ROBO1: variants seen among roughly 807,000 people sequenced by gnomAD.
ROBO1 encodes the protein roundabout homolog 1.
Under a neutral mutation model 195.9 loss-of-function variants are expected in ROBO1, and 149 were observed. The observed-to-expected ratio is 0.76, with a 90% CI of 0.67 to 0.87. The LOEUF is 0.87. ROBO1 is among the 40% of genes least tolerant of loss of function. ROBO1 has a pLI of 0.00. For synonymous variants in ROBO1, 816 were observed against 733.2 expected (o/e 1.11, Z -1.82); for missense variants, 1,933 against 2,068.3 (o/e 0.93, Z 1.27).
intron 2 of ROBO1, among the ~76,000 whole-genome samples, chr3:79,376,551 T>A (rs2036392506): frequency 6.6e-6 from 1 of 152,156 alleles, no homozygotes; most frequent in African/African-American, 2.4e-5. Flanking sequence ...CCTGTGCTGT[T>A]CTTGTGATAG....
At chr3:79,166,560 C>CT (rs968334923) in intron 2 of ROBO1, among the ~76,000 whole-genome samples, 4,164 of 135,070 alleles carry the variant, frequency 0.031, 92 homozygotes, top group Non-Finnish European at 0.034. Context: ...TTCTATTTTT[C>CT]TTTTTTTTTT....
intron 2 of ROBO1, among the ~76,000 whole-genome samples, chr3:79,280,909 C>T (rs891684601): frequency 6.6e-6 from 1 of 152,212 alleles, no homozygotes; most frequent in African/African-American, 2.4e-5. Context: ...TGGCTGGCCA[C>T]TCACTGCCAG....
intron 3 of ROBO1, among the ~76,000 whole-genome samples, chr3:79,100,490 A>G (rs1248168773): frequency 6.6e-6 from 1 of 151,688 alleles, no homozygotes; most frequent in African/African-American, 2.4e-5. Flanking sequence ...TAAAGACACA[A>G]TAGCCAGCCC....
intron 4 of ROBO1, among the ~76,000 whole-genome samples, chr3:78,813,233 G>A (rs1045429867): frequency 9.4e-6 from 1 of 106,510 alleles, no homozygotes; most frequent in Non-Finnish European, 1.9e-5. Context: ...TATTATAGAA[G>A]TTTTACATGC....
chr3:79,230,378 G>T (rs1019259709), intron 2 of ROBO1, among the ~76,000 whole-genome samples: 3 of 152,036 alleles, frequency 2.0e-5, no homozygotes, highest in Non-Finnish European at 2.9e-5. Flanking sequence ...TTTGTCTCTA[G>T]TAGATTGCTG....
chr3:79,370,741 C>T (rs2036162797), intron 2 of ROBO1, among the ~76,000 whole-genome samples: 1 of 151,790 alleles, frequency 6.6e-6, no homozygotes, highest in African/African-American at 2.4e-5. Context: ...TAGATATATA[C>T]ATGTGTCATG....
At chr3:78,733,571 G>C (rs969677187) in intron 5 of ROBO1, among the ~76,000 whole-genome samples, 6 of 151,954 alleles carry the variant, frequency 3.9e-5, no homozygotes, top group Non-Finnish European at 7.4e-5. Context: ...CCAAATTAAA[G>C]ATAAAATGTA....
chr3:79,208,659 T>C (rs756176298), intron 2 of ROBO1, among the ~76,000 whole-genome samples: 1 of 151,288 alleles, frequency 6.6e-6, no homozygotes, highest in Admixed American at 6.6e-5. Flanking sequence ...AAAGTTAATA[T>C]AGTTGTTGTT....
In ROBO1 at chr3:79,479,931, C is replaced by A. The variant is rs539806458; in HGVS notation, c.88+109893G>T. ...CCACCTTAACATGGAAGTTCGCATTCCCTAGTTTTCCTTTTAAAAATTCAA... is the reference window on the plus strand; with the variant it reads ...CCACCTTAACATGGAAGTTCGCATTACCTAGTTTTCCTTTTAAAAATTCAA... On this transcript the variant is annotated intron_variant, in intron 2 of 30. Transcript: ENST00000464233. Among the ~76,000 whole-genome samples, 12 of 152,296 alleles carry A rather than the reference C, an allele frequency of 7.9e-5. No individual in the cohort carries two copies. In the South Asian group the frequency reaches 2.5e-3, roughly 32 times the overall value.
At chr3:79,476,190 A>C (rs1051443098) in intron 2 of ROBO1, among the ~76,000 whole-genome samples, 1 of 152,136 alleles carries the variant, frequency 6.6e-6, no homozygotes, top group East Asian at 1.9e-4. Flanking sequence ...TCAAAACCAC[A>C]ACGTGATACC....
At chr3:78,867,736 T>A (rs1210545489) in intron 4 of ROBO1, among the ~76,000 whole-genome samples, 2 of 152,174 alleles carry the variant, frequency 1.3e-5, no homozygotes, top group Non-Finnish European at 2.9e-5. Flanking sequence ...CTCTTCAGAC[T>A]TCCAGAAATG....
At chr3:78,827,930 A>G (rs943634735) in intron 4 of ROBO1, among the ~76,000 whole-genome samples, 7 of 152,226 alleles carry the variant, frequency 4.6e-5, no homozygotes, top group Non-Finnish European at 8.8e-5. Context: ...TTGATGTTTG[A>G]TCAAATATTT....
intron 3 of ROBO1, among the ~76,000 whole-genome samples, chr3:79,044,780 ATT>A (rs1449486173): frequency 1.3e-5 from 2 of 151,942 alleles, no homozygotes; most frequent in Non-Finnish European, 2.9e-5. Context: ...GCTTTTTGAC[ATT>A]TTCTTTTTTT....
chr3:79,536,821 G>A (rs1941884522), intron 2 of ROBO1, among the ~76,000 whole-genome samples: 1 of 152,118 alleles, frequency 6.6e-6, no homozygotes, highest in Admixed American at 6.6e-5. Flanking sequence ...TCCAAAATTT[G>A]ACTTTGCTCT....
At chr3:79,645,460 C>T (rs1242289670) in intron 1 of ROBO1, among the ~76,000 whole-genome samples, 1 of 152,008 alleles carries the variant, frequency 6.6e-6, no homozygotes, top group Non-Finnish European at 1.5e-5. Context: ...TATGATCTTG[C>T]CACTGCACTA....
Position 79,672,560 on chromosome 3 carries a change from T to G in ROBO1, c.-50-82599A>C, listed in dbSNP as rs72894001. Among the ~76,000 whole-genome samples, 1,107 of 152,100 alleles carry G rather than the reference T, an allele frequency of 7.3e-3. 11 individuals are homozygous for G. The highest frequency in any genetic ancestry group is 0.025 in the African/African-American group (1,045 of 41,548). On this transcript the variant is annotated intron_variant, in intron 1 of 30. Coordinates refer to ENST00000464233, the MANE Select transcript of ROBO1 (RefSeq NM_002941.4). The stretch of plus-strand genomic sequence containing the variant: ...TAAATATCAGATCAGACGTAAACTC[T>G]TATTTTTTAGTTAGAAGACTGCGTG...
Position 78,618,000 on chromosome 3 carries a change from G to T in ROBO1, c.3917C>A (p.Ser1306Tyr). 1.2e-6 allele frequency: 2 copies of T among 1,613,814 alleles called. No individual in the cohort carries two copies. The highest frequency in any genetic ancestry group is 1.7e-6 in the Non-Finnish European group (2 of 1,179,780). Residue 1306 changes from serine (S) to tyrosine (Y), a missense_variant, in exon 27 of 31, where the codon TCC (serine) becomes TAC (tyrosine). Coordinates refer to ENST00000464233, the MANE Select transcript of ROBO1 (RefSeq NM_002941.4). Reference protein sequence around the residue: ...VSPPPPPRPISPPHTYGYISG... With the variant: ...VSPPPPPRPIYPPHTYGYISG... ...AATGTAGCCATAGGTATGTGGAGGG[G>T]AGATCGGCCGTGGTGGTGGAGGAGG...
intron 2 of ROBO1, among the ~76,000 whole-genome samples, chr3:79,448,573 GCACCCCA>G (rs1396072172): frequency 2.0e-5 from 3 of 151,960 alleles, no homozygotes; most frequent in Admixed American, 2.0e-4. Flanking sequence ...GGTAATCCCC[GCACCCCA>G]CCTCACAACC....
intron 2 of ROBO1, among the ~76,000 whole-genome samples, chr3:79,219,679 A>C (rs540818981): frequency 1.3e-5 from 2 of 152,058 alleles, no homozygotes; most frequent in Admixed American, 1.3e-4. Flanking sequence ...TAGTAATTGC[A>C]TGATGATCTG....
Sources: allele counts gnomAD v4.1 joint callset (sites outside exome capture counted in the v4.1 genomes callset), GRCh38; gene constraint gnomAD v4.1.1; transcripts MANE v1.5; gene names NCBI Gene and HGNC (gene_info 2026-07-23, HGNC 2026-07-21).